The following ZSWIM2 variants were observed in gnomAD, a reference collection of about 807,000 sequenced individuals.
The protein encoded by ZSWIM2 is zinc finger SWIM-type containing 2.
A neutral mutation model predicts 48.4 loss-of-function variants in ZSWIM2; 38 were observed. That is an observed-to-expected ratio of 0.79 (90% CI 0.61 to 1.03). The LOEUF is 1.03. Ranked by LOEUF, ZSWIM2 falls within the 50% of genes least tolerant of loss-of-function variation. ZSWIM2 has a pLI of 0.00. For missense variants in ZSWIM2, 776 were observed against 730.2 expected, an observed-to-expected ratio of 1.06 and a Z score of -0.72; for synonymous variants, 240 against 251.3, an observed-to-expected ratio of 0.96 and a Z score of 0.42.
chr2:186,848,201 C>G (rs1574144342), intron 1 of ZSWIM2, among the ~76,000 whole-genome samples: 1 of 152,008 alleles, frequency 6.6e-6, no homozygotes, highest in Non-Finnish European at 1.5e-5. Context: ...TAATTTTATT[C>G]AAGAGGACAA....
intron 3 of ZSWIM2, 47 bp from the exon 4 acceptor site, chr2:186,839,216 C>G (rs775035690): frequency 5.2e-5 from 81 of 1,569,756 alleles, no homozygotes; most frequent in Non-Finnish European, 6.9e-5. Context: ...AAAATTGGAG[C>G]TACAGAGAGG....
chr2:186,833,897 C>T (rs768359552), intron 6 of ZSWIM2, 49 bp downstream of exon 6: 1 of 1,457,196 alleles, frequency 6.9e-7, no homozygotes, highest in African/African-American at 1.4e-5. Context: ...CTTAGCTCTA[C>T]AACAGGACAA....
Position 186,839,034 on chromosome 2 carries a change from T to G in ZSWIM2, c.419A>C (p.Glu140Ala). Residue 140 changes from glutamate to alanine, a missense_variant, in exon 4 of 9, where the codon GAA becomes GCA. Glu to Ala is a moderately radical substitution (Grantham distance 107, BLOSUM62 -1). Coordinates refer to ENST00000295131, the MANE Select transcript of ZSWIM2 (RefSeq NM_182521.3). Reference sequence around the variant, plus strand: ...AGAGCAGATATCCTCTGAATCAATTTCCTTCTGTTTAATGTACCCATCTTC... The same window carrying G: ...AGAGCAGATATCCTCTGAATCAATTGCCTTCTGTTTAATGTACCCATCTTC... ...VEEDGYIKQK[E>A]IDSEDICSIC... The G allele has an allele frequency of 6.2e-7, 1 of 1,611,766 alleles. No homozygotes were observed. Among genetic ancestry groups the G allele is most frequent in the Non-Finnish European group, 8.5e-7 (1 of 1,178,352 alleles).
intron 3 of ZSWIM2, among the ~76,000 whole-genome samples, chr2:186,843,783 T>G (rs1384321617): frequency 6.6e-6 from 1 of 151,346 alleles, no homozygotes; most frequent in African/African-American, 2.4e-5. Context: ...TGATACAGAG[T>G]TAACAGTTGG....
chr2:186,847,417 G>A (rs933234792), intron 2 of ZSWIM2, among the ~76,000 whole-genome samples: 6 of 152,016 alleles, frequency 3.9e-5, no homozygotes, highest in African/African-American at 1.4e-4. Flanking sequence ...GCAGTGATGG[G>A]ATCAGGATTT....
At chr2:186,834,745 A>G (rs768021195) in intron 5 of ZSWIM2, among the ~76,000 whole-genome samples, 1 of 152,064 alleles carries the variant, frequency 6.6e-6, no homozygotes, top group Non-Finnish European at 1.5e-5. Flanking sequence ...ACAACGTAGC[A>G]TCTCTCTGCC....
chr2:186,832,402 G>A (rs1372185870), intron 7 of ZSWIM2, among the ~76,000 whole-genome samples: 1 of 152,002 alleles, frequency 6.6e-6, no homozygotes, highest in Non-Finnish European at 1.5e-5. Context: ...GATTACAGGC[G>A]TGAGCCACAG....
intron 5 of ZSWIM2, 94 bp from the exon 6 acceptor site, chr2:186,834,124 C>T: frequency 2.4e-6 from 2 of 844,908 alleles, no homozygotes; most frequent in Non-Finnish European, 3.8e-6. Context: ...TTCCTGGGAA[C>T]AATCCAAACA....
intron 6 of ZSWIM2, among the ~76,000 whole-genome samples, chr2:186,833,438 TA>T (rs979711940): frequency 1.3e-5 from 2 of 152,158 alleles, no homozygotes; most frequent in Non-Finnish European, 2.9e-5. Flanking sequence ...CTTTTTAAGG[TA>T]AAAAATAACA....
In ZSWIM2 at chr2:186,828,303, A is replaced by G. The variant is rs187081292; in HGVS notation, c.1583T>C (p.Met528Thr). Residue 528 changes from methionine (M) to threonine (T), a missense_variant, in exon 9 of 9, where the codon ATG becomes ACG. Coordinates refer to ENST00000295131, the MANE Select transcript of ZSWIM2 (RefSeq NM_182521.3). ...TTTTCCACTGATGCATGGACTTTCC[A>G]TTGCAGTGGGACACACAATATTCTT... ...VHKNIVCPTA[M>T]ESPCISGKFH... The G allele has an allele frequency of 1.2e-6, 2 of 1,613,714 alleles. No individual in the cohort carries two copies.
chr2:186,848,046 C>A (rs929714911), intron 1 of ZSWIM2, among the ~76,000 whole-genome samples: 1 of 151,984 alleles, frequency 6.6e-6, no homozygotes, highest in Non-Finnish European at 1.5e-5. Flanking sequence ...AATCTAATTC[C>A]CAAAGTCAGA....
chr2:186,833,272 G>T, intron 6 of ZSWIM2, 40 bp from the exon 7 acceptor site: 2 of 990,480 alleles, frequency 2.0e-6, no homozygotes, highest in South Asian at 1.7e-5. Flanking sequence ...GCAAAGTCGT[G>T]GATATTTTCA....
At chr2:186,848,826 T>C in intron 1 of ZSWIM2, 140 bp downstream of exon 1, 2 of 1,057,432 alleles carry the variant, frequency 1.9e-6, no homozygotes, top group East Asian at 2.4e-5. Context: ...TCTGGAACAC[T>C]CGTGGGAAGG....
At chr2:186,837,872 A>G (rs10210806) in intron 4 of ZSWIM2, among the ~76,000 whole-genome samples, 21,982 of 150,892 alleles carry the variant, frequency 0.15, 2,504 homozygotes, top group African/African-American at 0.32. Flanking sequence ...ATATAGGCTT[A>G]ACACAAAGGA....
chr2:186,838,556 G>A (rs1363660865), intron 4 of ZSWIM2, among the ~76,000 whole-genome samples: 2 of 150,198 alleles, frequency 1.3e-5, no homozygotes, highest in African/African-American at 2.4e-5. Flanking sequence ...TACTTAAGGT[G>A]GGAAGAGGAA....
chr2:186,838,954 A>G lies in ZSWIM2; in HGVS notation c.494+5T>C, dbSNP rs779198876. 12 of 1,604,020 alleles carry G rather than the reference A, an allele frequency of 7.5e-6. No homozygotes were observed. In the African/African-American group the frequency reaches 1.6e-4, roughly 22 times the overall value. ...TTTTAAGAATCTAAAGAAAAAGTAC[A>G]TCACCTGCAAAAGGTGACAGGAAGC... On this transcript the variant is annotated splice_donor_5th_base_variant and intron_variant, in intron 4 of 8. Coordinates refer to ENST00000295131, the MANE Select transcript of ZSWIM2 (RefSeq NM_182521.3).
rs1559110636 is a variant in ZSWIM2 at position 186,828,346 on chromosome 2, G to A, written c.1540C>T (p.Leu514Phe). ...SFGKIPSQTL[L>F]PPIVHKNIVC... ...ATATTCTTATGAACAATAGGAGGAA[G>A]CAGTGTTTGAGATGGTATTTTCCCA... is the stretch of plus-strand genomic sequence containing the variant. The change falls in exon 9 of 9, where the codon CTT (leucine) becomes TTT (phenylalanine). Residue 514 changes from leucine to phenylalanine, a missense_variant. Transcript: ENST00000295131. 1.9e-6 allele frequency: 3 copies of A among 1,613,748 alleles called. No individual in the cohort carries two copies. The highest frequency in any genetic ancestry group is 2.5e-6 in the Non-Finnish European group (3 of 1,179,802).
chr2:186,829,683 C>T (rs6745572), intron 8 of ZSWIM2, 44 bp downstream of exon 8: 189,602 of 1,585,844 alleles, frequency 0.12, 14,874 homozygotes, highest in African/African-American at 0.4. Flanking sequence ...TTTGTGAAAA[C>T]TGACCCTACA....
rs138118228 is a variant in ZSWIM2 at position 186,830,630 on chromosome 2, A to T, written c.942-750T>A. 1.3e-4 allele frequency among the ~76,000 whole-genome samples: 20 copies of T among 148,336 alleles called. 1 individual carries two copies. In the East Asian group the frequency reaches 3.9e-3, roughly 29 times the overall value. ...GGCTACTATGATAAATTGGTAGATC[A>T]TAAGAGATAAGGAAATTTGTTTTCA... On this transcript the variant is annotated intron_variant, in intron 7 of 8. Coordinates refer to ENST00000295131, the MANE Select transcript of ZSWIM2 (RefSeq NM_182521.3).
Sources: allele counts gnomAD v4.1 joint callset (sites outside exome capture counted in the v4.1 genomes callset), GRCh38; gene constraint gnomAD v4.1.1; transcripts MANE v1.5; gene names NCBI Gene and HGNC (gene_info 2026-07-23, HGNC 2026-07-21).